Variants in COL6A1 observed in about 807,000 individuals in gnomAD.
COL6A1 encodes collagen type VI alpha 1 chain, also known as collagen alpha-1(VI) chain.
A neutral mutation model predicts 145.6 loss-of-function variants in COL6A1; 80 were observed. The ratio of observed to expected loss-of-function variants is 0.55; its 90% CI spans 0.46 to 0.66. COL6A1 has a LOEUF of 0.66. COL6A1 is among the 30% of genes least tolerant of loss of function. The pLI, the probability that COL6A1 is intolerant of heterozygous loss-of-function variation, is 0.00. For missense variants in COL6A1, 1,364 were observed against 1,473.8 expected (o/e 0.93, Z 1.22); for synonymous variants, 638 against 622.8 (o/e 1.02, Z -0.36).
In COL6A1 at chr21:46,004,157, A is replaced by G. The variant is rs1603595256; in HGVS notation, c.*144A>G. On this transcript the variant is annotated 3_prime_UTR_variant, in exon 35 of 35. Coordinates refer to ENST00000361866, the MANE Select transcript of COL6A1 (RefSeq NM_001848.3). ...GAAAAGCTTGGAAAGCCAGGACACA[A>G]CGCTGCTGCCTGCTTTGTGCAGGGT... 8.7e-7 allele frequency: 1 copy of G among 1,143,668 alleles called. No individual in the cohort carries two copies. Among genetic ancestry groups the G allele is most frequent in the East Asian group, 2.5e-5 (1 of 39,454 alleles). The allele number at this position is 1,143,668 out of a possible 1,614,324, so 70.8% of individuals were successfully genotyped here.
Position 46,001,954 on chromosome 21 carries a change from C to T in COL6A1, c.1957-7C>T. On this transcript the variant is annotated splice_polypyrimidine_tract_variant and splice_region_variant and intron_variant, in intron 30 of 34. Coordinates refer to ENST00000361866, the MANE Select transcript of COL6A1 (RefSeq NM_001848.3). ...CTCGCGTCCTGACCCCGGTGCCGGT[C>T]CCACAGTTCGAGCCAGGGCAGTCGT... The T allele has an allele frequency of 6.2e-7, 1 of 1,611,420 alleles. No individual in the cohort carries two copies. Among genetic ancestry groups the T allele is most frequent in the Non-Finnish European group, 8.5e-7 (1 of 1,179,388 alleles).
intron 20 of COL6A1, among the ~76,000 whole-genome samples, chr21:45,997,074 C>G (rs962557791): frequency 1.3e-5 from 2 of 150,264 alleles, no homozygotes; most frequent in South Asian, 2.1e-4. Flanking sequence ...AGGCACCAGC[C>G]GGGCACTCAC....
intron 20 of COL6A1, among the ~76,000 whole-genome samples, chr21:45,995,295 C>T (rs2077798847): frequency 6.6e-6 from 1 of 152,258 alleles, no homozygotes; most frequent in Admixed American, 6.5e-5. Flanking sequence ...CTCTGATCCT[C>T]TTTGCTCTTT....
At chr21:46,002,782 T>C in intron 33 of COL6A1, 72 bp downstream of exon 33, 1 of 1,470,390 alleles carries the variant, frequency 6.8e-7, no homozygotes, top group Non-Finnish European at 9.3e-7. Context: ...CAGTCCCAGA[T>C]CTGCGTAGGT....
At chr21:45,986,488 C>A (rs185362521) in intron 3 of COL6A1, 38 bp from the exon 4 acceptor site, 2 of 1,548,992 alleles carry the variant, frequency 1.3e-6, no homozygotes, top group East Asian at 2.4e-5. Flanking sequence ...AGTTCCCCCA[C>A]CTAGTCTCGA....
In COL6A1 at chr21:46,003,676, A is replaced by G. The variant is rs890631217; in HGVS notation, c.2750A>G (p.Asn917Ser). 10 of 1,612,976 alleles carry G rather than the reference A, an allele frequency of 6.2e-6. No individual in the cohort carries two copies. Among genetic ancestry groups the G allele is most frequent in the Non-Finnish European group, 8.5e-6 (10 of 1,179,958 alleles). Reference protein sequence around the residue: ...MDFINDATDVNDALGYVTRFY... With the variant: ...MDFINDATDVSDALGYVTRFY... Reference sequence around the variant, plus strand: ...TTTATCAACGACGCCACCGACGTCAACGATGCCCTGGGCTATGTGACCCGC... The same window carrying G: ...TTTATCAACGACGCCACCGACGTCAGCGATGCCCTGGGCTATGTGACCCGC... Residue 917 changes from asparagine to serine, a missense_variant, in exon 35 of 35, where the codon AAC becomes AGC. Around this residue, in one of 3 missense-constraint regions of COL6A1, gnomAD observed 938 missense variants for 1,003.8 expected, o/e 0.93. Transcript: ENST00000361866.
intron 9 of COL6A1, 150 bp from the exon 10 acceptor site, chr21:45,989,458 G>T: frequency 1.2e-6 from 1 of 864,834 alleles, no homozygotes; most frequent in Non-Finnish European, 1.9e-6. Context: ...GCTCCACCTT[G>T]GAGGGCCTCG....
Position 45,994,296 on chromosome 21 carries a change from A to G in COL6A1, c.1398+67A>G. 2 of 1,435,268 alleles carry G rather than the reference A, an allele frequency of 1.4e-6. No homozygotes were observed. The highest frequency in any genetic ancestry group is 1.9e-6 in the Non-Finnish European group (2 of 1,037,174). 88.9% of individuals were successfully genotyped at this position (1,435,268 alleles called of 1,614,324 possible). A position where few individuals can be genotyped will look rare whatever the true frequency, so the allele number is the denominator to read the frequency against. ...GTTTTGGGGGTAGAAGTGCTCCAGCAGCTCACGCACTGGGGGTCTGTTCAT... is the reference window on the plus strand; with the variant it reads ...GTTTTGGGGGTAGAAGTGCTCCAGCGGCTCACGCACTGGGGGTCTGTTCAT... On this transcript the variant is annotated intron_variant, in intron 20 of 34. Coordinates refer to ENST00000361866, the MANE Select transcript of COL6A1 (RefSeq NM_001848.3). This position sits in a 1 kb window ranked among gnomAD's most constrained non-coding sequence, Gnocchi z 6.8.
rs3746993 is a variant in COL6A1, at chr21:45,984,483, A to G, written c.428+14A>G. On this transcript the variant is annotated intron_variant, in intron 3 of 34. Coordinates refer to ENST00000361866, the MANE Select transcript of COL6A1 (RefSeq NM_001848.3). ...GCTCCTCGTGGGGTGAGTGGCCCCC[A>G]GCCTCCTGCCCACGCCAGTTCTCAC... 0.86 allele frequency: 1,374,704 copies of G among 1,605,828 alleles called. 589,019 individuals are homozygous for G. Among genetic ancestry groups the G allele is most frequent in the East Asian group, 0.94 (42,135 of 44,848 alleles).
intron 19 of COL6A1, among the ~76,000 whole-genome samples, 195 bp from the exon 20 acceptor site, chr21:45,993,972 A>G (rs1280337491): frequency 6.6e-6 from 1 of 152,202 alleles, no homozygotes; most frequent in East Asian, 1.9e-4. Flanking sequence ...GAAGATAGCC[A>G]TAGCCAGCCA....
At chr21:46,001,579 G>A (rs977067115) in intron 30 of COL6A1, among the ~76,000 whole-genome samples, 193 bp downstream of exon 30, 2 of 152,226 alleles carry the variant, frequency 1.3e-5, no homozygotes, top group African/African-American at 4.8e-5. Context: ...CTGGCCCATT[G>A]TACACAGGCG....
intron 33 of COL6A1, 136 bp from the exon 34 acceptor site, chr21:46,002,984 G>T: frequency 7.6e-7 from 1 of 1,321,878 alleles, no homozygotes. Context: ...TGTCCCACAG[G>T]CATCCTCCTC....
intron 15 of COL6A1, among the ~76,000 whole-genome samples, chr21:45,991,530 G>C (rs1603591493): frequency 6.6e-6 from 1 of 152,216 alleles, no homozygotes; most frequent in African/African-American, 2.4e-5. Context: ...TTTTTCGTCT[G>C]ACAGCTGAGT....
chr21:45,997,904 T>C (rs1322859944), intron 22 of COL6A1, 142 bp downstream of exon 22: 1 of 1,130,002 alleles, frequency 8.8e-7, no homozygotes, highest in Non-Finnish European at 1.3e-6. Flanking sequence ...CTGGCCACAG[T>C]CGGCACCTGA....
chr21:45,982,768 G>A lies in COL6A1; in HGVS notation c.227+5G>A. On this transcript the variant is annotated splice_donor_5th_base_variant and intron_variant, in intron 2 of 34. Transcript: ENST00000361866. ...CATCGACAACCTGAGGGACAGGTAG[G>A]AGGGACGCCCCGTGACCTTCCTCCT... 1 of 1,611,938 alleles carries A rather than the reference G, an allele frequency of 6.2e-7. No individual in the cohort carries two copies. Among genetic ancestry groups the A allele is most frequent in the Non-Finnish European group, 8.5e-7 (1 of 1,179,908 alleles).
rs983940583 is a variant in COL6A1 at position 46,001,021 on chromosome 21, C to T, written c.1823-232C>T. On this transcript the variant is annotated intron_variant, in intron 29 of 34. Coordinates refer to ENST00000361866, the MANE Select transcript of COL6A1 (RefSeq NM_001848.3). ...GGGGGTCCCTGCTCCATCATTCTGG[C>T]CCACAGGCCCCACCCTAGCCTGGCT... 74 of 702,296 alleles carry T rather than the reference C, an allele frequency of 1.1e-4. No individual in the cohort carries two copies. In the African/African-American group the frequency reaches 1.2e-3, roughly 11 times the overall value. The allele number at this position is 702,296 out of a possible 1,614,324, so 43.5% of individuals were successfully genotyped here. A position where few individuals can be genotyped will look rare whatever the true frequency, so the allele number is the denominator to read the frequency against.
chr21:46,003,300 C>G, intron 34 of COL6A1, 91 bp from the exon 35 acceptor site: 1 of 1,603,380 alleles, frequency 6.2e-7, no homozygotes. Flanking sequence ...CGTGCCGTGC[C>G]CTCTCTGGGG....
intron 19 of COL6A1, among the ~76,000 whole-genome samples, chr21:45,993,549 G>A (rs1569518433): frequency 2.0e-5 from 3 of 152,258 alleles, no homozygotes; most frequent in African/African-American, 7.2e-5. Context: ...CGACTGTCGT[G>A]TGCTGTGACA....
At chr21:45,999,398 C>A in intron 26 of COL6A1, 180 bp downstream of exon 26, 1 of 763,574 alleles carries the variant, frequency 1.3e-6, no homozygotes, top group South Asian at 1.7e-5. Flanking sequence ...AGGTGGTGGC[C>A]AGGGCAGCAG....
Sources: allele counts gnomAD v4.1 joint callset (sites outside exome capture counted in the v4.1 genomes callset), GRCh38; gene constraint gnomAD v4.1.1; regional missense constraint gnomAD v4.1.1; non-coding constraint Gnocchi (gnomAD v3.1); transcripts MANE v1.5; gene names NCBI Gene and HGNC (gene_info 2026-07-23, HGNC 2026-07-21).